RAB40C: variants seen among roughly 807,000 people sequenced by gnomAD.
RAB40C encodes RAB40C, member RAS oncogene family, also known as ras-related protein Rab-40C.
RAB40C carries 8 observed loss-of-function variants against 28.1 expected under a neutral mutation model. The observed-to-expected ratio is 0.28, with a 90% CI of 0.17 to 0.51. RAB40C has a LOEUF of 0.51. Among genes scored for constraint, RAB40C ranks in the 20% least tolerant of loss-of-function variants. The pLI, the probability that RAB40C is intolerant of heterozygous loss-of-function variation, is 0.97. For missense variants in RAB40C, 288 were observed against 405.9 expected, an observed-to-expected ratio of 0.71 and a Z score of 2.50; for synonymous variants, 201 against 171.7, an observed-to-expected ratio of 1.17 and a Z score of -1.34.
chr16:590,513 G>A, intron 1 of RAB40C, 80 bp downstream of exon 1: 1 of 1,381,552 alleles, frequency 7.2e-7, no homozygotes, highest in Non-Finnish European at 9.4e-7. Flanking sequence ...CCTCGGCCCG[G>A]CCCTTCCAAG....
rs555968869 is a variant in RAB40C, at chr16:610,003, G to A, written c.143-7205G>A. Among the ~76,000 whole-genome samples, 43 of 152,304 alleles carry A rather than the reference G, an allele frequency of 2.8e-4. No homozygotes were observed. Among genetic ancestry groups the A allele is most frequent in the African/African-American group, 9.9e-4 (41 of 41,574 alleles). On this transcript the variant is annotated intron_variant, in intron 1 of 5. Transcript: ENST00000248139. The surrounding 1 kb of genome is among the most constrained non-coding windows in gnomAD (Gnocchi z 4.6). ...TTAGGAAACAGAATGGGTCCCACGG[G>A]AGGGTGGGGATGTGAACGGCACCAG...
At chr16:613,205 A>G (rs1351453734) in intron 1 of RAB40C, among the ~76,000 whole-genome samples, 1 of 142,992 alleles carries the variant, frequency 7.0e-6, no homozygotes, top group Non-Finnish European at 1.5e-5. Context: ...CTGTAGAATC[A>G]GCAGGGACAG....
At chr16:619,153 T>C (rs2036657638) in intron 3 of RAB40C, among the ~76,000 whole-genome samples, 2 of 145,752 alleles carry the variant, frequency 1.4e-5, no homozygotes, top group South Asian at 4.3e-4. Flanking sequence ...TCAGGTGTGG[T>C]GTACTTGGAG....
At position 618,885 on chromosome 16, in the gene RAB40C, A is replaced by T. The variant is rs556982055; in HGVS notation, c.264+625A>T. Among the ~76,000 whole-genome samples, 16 of 81,096 alleles carry T rather than the reference A, an allele frequency of 2.0e-4. No individual in the cohort carries two copies. In the Admixed American group the frequency reaches 2.2e-3, roughly 11 times the overall value. 53.2% of individuals were successfully genotyped at this position (81,096 alleles called of 152,430 possible). ...CAGGTCTGGCGGGGGCACTGGGGCC[A>T]TGTGTGCAGTGTGTGCTCAGGTGTG... On this transcript the variant is annotated intron_variant, in intron 3 of 5. Transcript: ENST00000248139.
At chr16:617,141 A>C (rs1048569779) in intron 1 of RAB40C, 67 bp from the exon 2 acceptor site, 38 of 1,557,192 alleles carry the variant, frequency 2.4e-5, no homozygotes, top group Non-Finnish European at 3.2e-5. Flanking sequence ...CCAGTGGCCG[A>C]GGCTGGTCTC....
At chr16:590,467 G>T in intron 1 of RAB40C, 34 bp downstream of exon 1, 1 of 1,520,452 alleles carries the variant, frequency 6.6e-7, no homozygotes, top group Non-Finnish European at 8.8e-7. Flanking sequence ...GCTGCTACGC[G>T]GGGCCCGAGC....
intron 3 of RAB40C, among the ~76,000 whole-genome samples, chr16:622,071 T>A (rs888463451): frequency 6.6e-6 from 1 of 152,176 alleles, no homozygotes; most frequent in Non-Finnish European, 1.5e-5. Context: ...GGAAGGGGCA[T>A]GTGTTTGTCA....
intron 1 of RAB40C, among the ~76,000 whole-genome samples, chr16:614,156 C>T (rs2036538046): frequency 6.9e-6 from 1 of 145,444 alleles, no homozygotes; most frequent in African/African-American, 2.6e-5. Context: ...CTGCTAACTA[C>T]CGCATCCCGA....
intron 3 of RAB40C, among the ~76,000 whole-genome samples, chr16:622,408 G>A (rs548002556): frequency 3.5e-5 from 5 of 143,758 alleles, no homozygotes; most frequent in East Asian, 1.9e-4. Flanking sequence ...CCGTGGACAC[G>A]TCTGTAGACG....
rs2269557 is a variant in RAB40C, at chr16:627,629, T to C, written c.*7T>C. 400,652 of 1,565,018 alleles carry C rather than the reference T, an allele frequency of 0.26. 57,480 individuals carry two copies. The highest frequency in any genetic ancestry group is 0.64 in the East Asian group (28,257 of 44,382). On this transcript the variant is annotated 3_prime_UTR_variant, in exon 6 of 6. Transcript: ENST00000248139. ...TAACTGCAAGATCTCCTAGCGGGGA[T>C]GGGCGGGGCCGCCTGTGCAGATGCC...
At chr16:616,970 C>T (rs2151075537) in intron 1 of RAB40C, 1 of 545,404 alleles carries the variant, frequency 1.8e-6, no homozygotes, top group Non-Finnish European at 3.3e-6. Flanking sequence ...ACTGTATGGA[C>T]CACGCTCCTG....
rs1008583344 is a variant in RAB40C, at chr16:610,740, G to A, written c.143-6468G>A. Among the ~76,000 whole-genome samples, 12 of 131,230 alleles carry A rather than the reference G, an allele frequency of 9.1e-5. No individual in the cohort carries two copies. Among genetic ancestry groups the A allele is most frequent in the Non-Finnish European group, 1.5e-4 (9 of 61,394 alleles). The allele number at this position is 131,230 out of a possible 152,430, so 86.1% of individuals were successfully genotyped here. On this transcript the variant is annotated intron_variant, in intron 1 of 5. Coordinates refer to ENST00000248139, the MANE Select transcript of RAB40C (RefSeq NM_021168.5). The surrounding 1 kb of genome is among the most constrained non-coding windows in gnomAD (Gnocchi z 4.6). ...CTCCAGGAGCTCCTCCCTCTACCCC[G>A]CCCTGCCCCACCCCGTCACCTGCTT...
intron 2 of RAB40C, 102 bp downstream of exon 2, chr16:617,370 A>C (rs945039709): frequency 7.1e-7 from 1 of 1,416,114 alleles, no homozygotes; most frequent in African/African-American, 1.4e-5. Flanking sequence ...TTTGCATTTC[A>C]CTTGGAAGAG....
At chr16:620,490 CAT>C (rs1391175853) in intron 3 of RAB40C, among the ~76,000 whole-genome samples, 1 of 152,226 alleles carries the variant, frequency 6.6e-6, no homozygotes, top group Non-Finnish European at 1.5e-5. Flanking sequence ...CTGCAATAAA[CAT>C]ATACTATTTT....
At chr16:623,578 C>T (rs1316872755) in intron 3 of RAB40C, among the ~76,000 whole-genome samples, 8 of 149,962 alleles carry the variant, frequency 5.3e-5, no homozygotes, top group Admixed American at 2.0e-4. Context: ...GGCGTGAACC[C>T]GGAAGCGGAG....
At chr16:592,306 G>A (rs1241501317) in intron 1 of RAB40C, among the ~76,000 whole-genome samples, 1 of 152,244 alleles carries the variant, frequency 6.6e-6, no homozygotes, top group Non-Finnish European at 1.5e-5. Context: ...CAACTCGGGG[G>A]TTGGCAGAGC....
chr16:590,010 G>T, upstream of RAB40C: 1 of 150,478 alleles, frequency 6.6e-6, no homozygotes, highest in South Asian at 1.8e-4. Flanking sequence ...GTGGGCCAAT[G>T]GGCTCGGGAG....
At chr16:621,127 C>T (rs1400936772) in intron 3 of RAB40C, among the ~76,000 whole-genome samples, 1 of 152,242 alleles carries the variant, frequency 6.6e-6, no homozygotes, top group African/African-American at 2.4e-5. Context: ...GACCCAGGTG[C>T]ACATGTTGGT....
chr16:607,249 C>T (rs572676767), intron 1 of RAB40C, among the ~76,000 whole-genome samples: 41 of 152,224 alleles, frequency 2.7e-4, no homozygotes, highest in African/African-American at 7.9e-4. Context: ...GTCATCCCAG[C>T]GCTTTGGGAG....
Sources: allele counts gnomAD v4.1 joint callset (sites outside exome capture counted in the v4.1 genomes callset), GRCh38; gene constraint gnomAD v4.1.1; non-coding constraint Gnocchi (gnomAD v3.1); transcripts MANE v1.5; gene names NCBI Gene and HGNC (gene_info 2026-07-23, HGNC 2026-07-21).